Variants in AQR observed in about 807,000 individuals in gnomAD.
The protein encoded by AQR is aquarius intron-binding spliceosomal factor, also known as RNA helicase aquarius.
In AQR, 61 loss-of-function variants were observed where a neutral mutation model predicts 180.5. That is an observed-to-expected ratio of 0.34 (90% CI 0.28 to 0.42). The LOEUF is 0.42. Among genes scored for constraint, AQR ranks in the 10% least tolerant of loss-of-function variants. AQR has a pLI of 1.00. For missense variants in AQR, 1,281 were observed against 1,798.3 expected, an observed-to-expected ratio of 0.71 and a Z score of 5.20; for synonymous variants, 551 against 588.8, an observed-to-expected ratio of 0.94 and a Z score of 0.93.
At chr15:34,956,933 A>AT (rs1894328996) in intron 3 of AQR, among the ~76,000 whole-genome samples, 1 of 151,326 alleles carries the variant, frequency 6.6e-6, no homozygotes, top group Non-Finnish European at 1.5e-5. Flanking sequence ...CTTAACTATT[A>AT]TTTTTCAAAT....
At chr15:34,944,109 T>C (rs1894072265) in intron 6 of AQR, among the ~76,000 whole-genome samples, 179 bp downstream of exon 6, 1 of 152,252 alleles carries the variant, frequency 6.6e-6, no homozygotes, top group Non-Finnish European at 1.5e-5. Context: ...TATAAAAACA[T>C]ATCTTAAAGA....
intron 27 of AQR, among the ~76,000 whole-genome samples, chr15:34,878,628 TTCC>T (rs1566980833): frequency 6.6e-6 from 1 of 152,188 alleles, no homozygotes; most frequent in African/African-American, 2.4e-5. Flanking sequence ...GAATTCATAT[TTCC>T]TTTTACAATT....
intron 31 of AQR, chr15:34,869,918 T>C (rs987499292): frequency 2.0e-5 from 3 of 152,224 alleles, no homozygotes; most frequent in Non-Finnish European, 4.4e-5. Flanking sequence ...TTCTGGAGCA[T>C]GTATCCTATC....
chr15:34,887,904 T>G (rs1281752927), intron 24 of AQR, among the ~76,000 whole-genome samples: 1 of 152,220 alleles, frequency 6.6e-6, no homozygotes, highest in African/African-American at 2.4e-5. Context: ...ATCTATAAAC[T>G]TTTATCTACA....
intron 3 of AQR, among the ~76,000 whole-genome samples, chr15:34,954,609 G>A (rs1894280218): frequency 6.6e-6 from 1 of 151,956 alleles, no homozygotes; most frequent in Non-Finnish European, 1.5e-5. Flanking sequence ...GCCTGGCCTT[G>A]AAAAATAACT....
chr15:34,915,815 G>A (rs1595796025), intron 15 of AQR, among the ~76,000 whole-genome samples: 1 of 151,696 alleles, frequency 6.6e-6, no homozygotes, highest in South Asian at 2.1e-4. Context: ...GTGTCATGGC[G>A]GGCGCCTGTA....
intron 33 of AQR, among the ~76,000 whole-genome samples, chr15:34,861,092 T>C (rs575048868): frequency 6.6e-6 from 1 of 152,330 alleles, no homozygotes; most frequent in East Asian, 1.9e-4. Flanking sequence ...AGGAACAATT[T>C]AGAAAATCAT....
Position 34,856,441 on chromosome 15 carries a change from T to G in AQR, c.*351A>C, listed in dbSNP as rs1162854025. 2.5e-6 allele frequency: 1 copy of G among 398,518 alleles called. No homozygotes were observed. The highest frequency in any genetic ancestry group is 2.1e-5 in the African/African-American group (1 of 48,632). The allele number at this position is 398,518 out of a possible 1,614,324, so 24.7% of individuals were successfully genotyped here. A position where few individuals can be genotyped will look rare whatever the true frequency, so the allele number is the denominator to read the frequency against. On this transcript the variant is annotated 3_prime_UTR_variant, in exon 35 of 35. Coordinates refer to ENST00000156471, the MANE Select transcript of AQR (RefSeq NM_014691.3). ...TTTGGACACTCAAGGGTATTCGTGG[T>G]TAAGTCCAGTATATTCTGTCCTCTT...
At chr15:34,880,089 C>T (rs767900762) in intron 27 of AQR, among the ~76,000 whole-genome samples, 41 of 152,274 alleles carry the variant, frequency 2.7e-4, no homozygotes, top group Non-Finnish European at 4.6e-4. Context: ...TTTAAAATCA[C>T]GGCTTTGGGC....
intron 14 of AQR, 36 bp downstream of exon 14, chr15:34,920,296 A>G: frequency 1.3e-6 from 2 of 1,495,548 alleles, no homozygotes; most frequent in Non-Finnish European, 1.8e-6. Context: ...AGGCAAGGAA[A>G]ACCACATGCA....
chr15:34,960,580 A>G (rs138421330), intron 3 of AQR, among the ~76,000 whole-genome samples, 194 bp downstream of exon 3: 11 of 152,158 alleles, frequency 7.2e-5, no homozygotes, highest in African/African-American at 2.7e-4. Context: ...TGATACCTCT[A>G]ATCTGAGCCA....
At chr15:34,968,755 CA>C (rs1595369381) in intron 1 of AQR, among the ~76,000 whole-genome samples, 4 of 152,014 alleles carry the variant, frequency 2.6e-5, no homozygotes, top group Non-Finnish European at 5.9e-5. Flanking sequence ...CAGATAGATT[CA>C]AAAGATATTT....
At chr15:34,964,349 G>C in intron 1 of AQR, 59 bp from the exon 2 acceptor site, 1 of 1,362,704 alleles carries the variant, frequency 7.3e-7, no homozygotes, top group Non-Finnish European at 1.0e-6. Context: ...AGAGCTGGAA[G>C]ACAGATCATT....
rs1298117751 is a variant in AQR at position 34,856,417 on chromosome 15, T to G, written c.*375A>C. ...CAGAAGAAACAAGTTCCTTCCCAAT[T>G]TGGACACTCAAGGGTATTCGTGGTT... is the stretch of plus-strand genomic sequence containing the variant. On this transcript the variant is annotated 3_prime_UTR_variant, in exon 35 of 35. Transcript: ENST00000156471. 1 of 397,490 alleles carries G rather than the reference T, an allele frequency of 2.5e-6. No homozygotes were observed. Among genetic ancestry groups the G allele is most frequent in the Non-Finnish European group, 4.4e-6 (1 of 225,832 alleles). The allele number at this position is 397,490 out of a possible 1,614,324, so 24.6% of individuals were successfully genotyped here. A position where few individuals can be genotyped will look rare whatever the true frequency, so the allele number is the denominator to read the frequency against.
rs1283629809 is a variant in AQR, at chr15:34,955,857, C to T, written c.174-2937G>A. 2.7e-5 allele frequency among the ~76,000 whole-genome samples: 4 copies of T among 147,398 alleles called. No individual in the cohort carries two copies. In the East Asian group the frequency reaches 7.9e-4, roughly 29 times the overall value. On this transcript the variant is annotated intron_variant, in intron 3 of 34. Coordinates refer to ENST00000156471, the MANE Select transcript of AQR (RefSeq NM_014691.3). ...CTGGGAGGCGGAGGTTGCAGTGAGC[C>T]GAGATCATGCCACTGCACTCCAGCC...
At chr15:34,952,082 T>C (rs1322358946) in intron 4 of AQR, among the ~76,000 whole-genome samples, 1 of 152,194 alleles carries the variant, frequency 6.6e-6, no homozygotes, top group Non-Finnish European at 1.5e-5. Flanking sequence ...ATTTTTTTTG[T>C]AAGGATCAAA....
intron 1 of AQR, among the ~76,000 whole-genome samples, chr15:34,964,789 T>C (rs2050301239): frequency 6.6e-6 from 1 of 151,674 alleles, no homozygotes; most frequent in African/African-American, 2.4e-5. Context: ...GTCTATCGGC[T>C]GCTTATTACA....
intron 20 of AQR, 86 bp from the exon 21 acceptor site, chr15:34,897,791 A>T (rs968583297): frequency 7.1e-7 from 1 of 1,400,700 alleles, no homozygotes; most frequent in Non-Finnish European, 9.9e-7. Context: ...TATGCACGAT[A>T]ATCAGAGGAG....
intron 3 of AQR, 132 bp downstream of exon 3, chr15:34,960,642 C>G (rs1816030394): frequency 1.6e-5 from 8 of 488,176 alleles, no homozygotes; most frequent in Non-Finnish European, 2.6e-5. Flanking sequence ...TAAAGTTTTT[C>G]TAGTCACCAT....
Sources: gnomAD v4.1 joint callset for allele counts (sites outside exome capture counted in the v4.1 genomes callset) on GRCh38, gnomAD v4.1.1 for gene constraint, MANE v1.5 for transcripts, NCBI Gene and HGNC (gene_info 2026-07-23, HGNC 2026-07-21) for gene names.